Variants in FLACC1 observed in about 807,000 individuals in gnomAD.
The protein encoded by FLACC1 is flagellum associated containing coiled-coil domains 1.
FLACC1 carries 66 observed loss-of-function variants against 62.8 expected under a neutral mutation model. The observed-to-expected ratio is 1.05, with a 90% confidence interval of 0.86 to 1.29. The LOEUF (loss-of-function observed/expected upper bound fraction) is 1.29, where lower values mean the gene tolerates loss of function less well. FLACC1 is among the 50% of genes most tolerant of loss of function. FLACC1 has a pLI of 0.00. For synonymous variants in FLACC1, 156 were observed against 161.0 expected (o/e 0.97, Z 0.24); for missense variants, 452 against 489.1 (o/e 0.92, Z 0.71).
At chr2:201,339,288 ATT>A (rs962609082) in intron 7 of FLACC1, among the ~76,000 whole-genome samples, 1 of 151,650 alleles carries the variant, frequency 6.6e-6, no homozygotes, top group Non-Finnish European at 1.5e-5. Flanking sequence ...TTCTGATTTT[ATT>A]TGGGTCTTCT....
intron 5 of FLACC1, among the ~76,000 whole-genome samples, chr2:201,344,600 CAG>C (rs1301665898): frequency 6.6e-6 from 1 of 152,140 alleles, no homozygotes. Flanking sequence ...ATAGTTGAAA[CAG>C]AGGACGAAGT....
At chr2:201,331,281 C>T (rs1342850710) in intron 7 of FLACC1, among the ~76,000 whole-genome samples, 2 of 152,094 alleles carry the variant, frequency 1.3e-5, no homozygotes, top group Non-Finnish European at 1.5e-5. Context: ...CTGGGGCCTT[C>T]ACTTCCTGAA....
rs144460714 is a variant in FLACC1, at chr2:201,346,735, ATCT to A, written c.235-63_235-61del. On this transcript the variant is annotated intron_variant, in intron 4 of 14. Coordinates refer to ENST00000392257, the MANE Select transcript of FLACC1 (RefSeq NM_001127391.3). The surrounding 1 kb of genome is among the most constrained non-coding windows in gnomAD (Gnocchi z 4.0). The stretch of plus-strand genomic sequence containing the variant: ...ACTTGGAGTGCTGAGATTTTTCCAA[ATCT>A]TCTCTTATTGCCTCACTCACATCTT... 73,339 of 1,602,698 alleles carry A rather than the reference ATCT, an allele frequency of 0.046. 2,021 individuals carry two copies. Among genetic ancestry groups the A allele is most frequent in the Middle Eastern group, 0.064 (388 of 6,040 alleles).
chr2:201,297,869 T>A (rs1344504342), intron 12 of FLACC1, among the ~76,000 whole-genome samples: 1 of 152,082 alleles, frequency 6.6e-6, no homozygotes, highest in Non-Finnish European at 1.5e-5. Flanking sequence ...ATCGGGCACC[T>A]TCTGAGAAGG....
In FLACC1 at chr2:201,330,520, C is replaced by T; in HGVS notation, c.625G>A (p.Glu209Lys). 1.9e-6 allele frequency: 3 copies of T among 1,613,602 alleles called. No individual in the cohort carries two copies. Among genetic ancestry groups the T allele is most frequent in the South Asian group, 2.2e-5 (2 of 91,006 alleles). The change falls in exon 9 of 15, where the codon GAG (glutamate) becomes AAG (lysine). Residue 209 changes from glutamate (E) to lysine (K), a missense_variant and splice_region_variant. By Grantham distance (56) the Glu-to-Lys change is moderately conservative. Around this residue, in one of 3 missense-constraint regions of FLACC1, gnomAD observed 301 missense variants for 318.4 expected, o/e 0.95. Transcript: ENST00000392257. ...EKLAAQEKLEEMGKEYKYLKN... is the reference protein window; with the variant it reads ...EKLAAQEKLEKMGKEYKYLKN... ...AAATACTTGTATTCTTTTCCCATCTCCTCTGGATAAAAGGAAAACAACAGG... is the reference window on the plus strand; with the variant it reads ...AAATACTTGTATTCTTTTCCCATCTTCTCTGGATAAAAGGAAAACAACAGG...
chr2:201,352,777 T>C (rs1452888789), intron 1 of FLACC1, among the ~76,000 whole-genome samples: 1 of 152,240 alleles, frequency 6.6e-6, no homozygotes, highest in Non-Finnish European at 1.5e-5. Context: ...AGTGTGACTA[T>C]GTTACCTTAC....
chr2:201,342,805 G>A (rs1256697733), intron 6 of FLACC1, among the ~76,000 whole-genome samples: 1 of 152,222 alleles, frequency 6.6e-6, no homozygotes, highest in African/African-American at 2.4e-5. Context: ...TGAACAAAAG[G>A]CTTGGCTTGG....
intron 7 of FLACC1, among the ~76,000 whole-genome samples, chr2:201,331,418 G>A (rs1189683996): frequency 1.3e-5 from 2 of 152,046 alleles, no homozygotes; most frequent in African/African-American, 4.8e-5. Flanking sequence ...TAGCTTGCTC[G>A]GGAAACTATG....
intron 3 of FLACC1, among the ~76,000 whole-genome samples, 168 bp from the exon 4 acceptor site, chr2:201,348,470 C>T (rs745740850): frequency 6.6e-6 from 1 of 152,084 alleles, no homozygotes; most frequent in Non-Finnish European, 1.5e-5. Flanking sequence ...CTCCTGAGGG[C>T]CCCAAAGTAG....
Position 201,288,669 on chromosome 2 carries a change from C to T in FLACC1, c.1255G>A (p.Gly419Arg), listed in dbSNP as rs137938931. 203 of 1,613,564 alleles carry T rather than the reference C, an allele frequency of 1.3e-4. 1 individual carries two copies. Among genetic ancestry groups the T allele is most frequent in the Non-Finnish European group, 1.7e-4 (199 of 1,179,796 alleles). The change falls in exon 15 of 15, where the codon GGA becomes AGA. Residue 419 changes from glycine to arginine, a missense_variant. Physicochemically the swap from Gly to Arg is moderately radical, Grantham distance 125 (BLOSUM62 -2). Transcript: ENST00000392257. Reference protein sequence around the residue: ...SDTVQDGSKKGQES With the variant: ...SDTVQDGSKKRQES ...CAACTTTTTGTTTATGATTCTTGTC[C>T]TTTCTTGCTACCATCTTGCACAGTG...
At chr2:201,299,761 G>A (rs557975827) in intron 11 of FLACC1, among the ~76,000 whole-genome samples, 4 of 152,276 alleles carry the variant, frequency 2.6e-5, no homozygotes, top group African/African-American at 4.8e-5. Flanking sequence ...TTTGCTACCC[G>A]ATTTCAAACT....
chr2:201,355,363 C>T (rs757964211), intron 1 of FLACC1, among the ~76,000 whole-genome samples: 43 of 152,030 alleles, frequency 2.8e-4, no homozygotes, highest in Non-Finnish European at 1.2e-4. Flanking sequence ...ATGTTGTAAT[C>T]GTCATTACCA....
In FLACC1 at chr2:201,348,414, T is replaced by C. The variant is rs1950961119; in HGVS notation, c.186-112A>G. On this transcript the variant is annotated intron_variant, in intron 3 of 14. Coordinates refer to ENST00000392257, the MANE Select transcript of FLACC1 (RefSeq NM_001127391.3). ...CTGACTTCTGCTCTCTGACCTGACC[T>C]TCTTAGGGGATCCCTAGGATAGTTG... The C allele has an allele frequency of 2.8e-6, 3 of 1,086,518 alleles. No homozygotes were observed. The South Asian group carries it at 4.7e-5, about 17-fold the overall frequency. The allele number at this position is 1,086,518 out of a possible 1,614,324, so 67.3% of individuals were successfully genotyped here.
In FLACC1 at chr2:201,288,485, G is replaced by T; in HGVS notation, c.*170C>A. 1 of 732,834 alleles carries T rather than the reference G, an allele frequency of 1.4e-6. No individual in the cohort carries two copies. The highest frequency in any genetic ancestry group is 2.8e-5 in the East Asian group (1 of 36,254). 45.4% of individuals were successfully genotyped at this position (732,834 alleles called of 1,614,324 possible). A position where few individuals can be genotyped will look rare whatever the true frequency, so the allele number is the denominator to read the frequency against. ...TTTTTCAGTGAAGAGTCCGTGATAAGCTGTGAAATTCAGATGCGAATTCAA... is the reference window on the plus strand; with the variant it reads ...TTTTTCAGTGAAGAGTCCGTGATAATCTGTGAAATTCAGATGCGAATTCAA... On this transcript the variant is annotated 3_prime_UTR_variant, in exon 15 of 15. Transcript: ENST00000392257.
At chr2:201,293,768 A>C (rs1466261256) in intron 12 of FLACC1, among the ~76,000 whole-genome samples, 32 of 151,814 alleles carry the variant, frequency 2.1e-4, no homozygotes, top group Admixed American at 1.6e-3. Context: ...AATTAATAGA[A>C]TGCTAGCAAG....
At chr2:201,345,918 ACTTTGGGAGGCTGAGGCCAGAG>A (rs1236765409) in intron 5 of FLACC1, among the ~76,000 whole-genome samples, 12 of 152,308 alleles carry the variant, frequency 7.9e-5, no homozygotes, top group African/African-American at 2.6e-4. Context: ...TAATCCCAGC[ACTTTGGGAGGCTGAGGCCAGAG>A]GATTACCTGA....
chr2:201,325,097 G>A (rs1017569902), intron 9 of FLACC1, among the ~76,000 whole-genome samples: 8 of 152,070 alleles, frequency 5.3e-5, no homozygotes, highest in South Asian at 2.1e-4. Context: ...TAGTGCCACC[G>A]CACTCCAGCC....
In FLACC1 at chr2:201,350,727, G is replaced by T; in HGVS notation, c.169C>A (p.Pro57Thr). Residue 57 changes from proline to threonine, a missense_variant, in exon 3 of 15, where the codon CCT becomes ACT. Physicochemically the swap from Pro to Thr is conservative, Grantham distance 38. This residue lies in a region of FLACC1 where 147 missense variants were observed against 152.7 expected (regional missense o/e 0.96). Coordinates refer to ENST00000392257, the MANE Select transcript of FLACC1 (RefSeq NM_001127391.3). ...AATACTTACTTTGGGGAAACAACAG[G>T]TTTTGTTGGTTGGAGGTAATTGTGA... ...KNHNYLQPTKPVVSPKMKIHS... is the reference protein window; with the variant it reads ...KNHNYLQPTKTVVSPKMKIHS... 1.3e-6 allele frequency: 2 copies of T among 1,591,066 alleles called. No homozygotes were observed. The highest frequency in any genetic ancestry group is 2.9e-5 in the African/African-American group (2 of 69,926).
intron 7 of FLACC1, among the ~76,000 whole-genome samples, chr2:201,340,344 G>A (rs1576466418): frequency 6.6e-6 from 1 of 152,148 alleles, no homozygotes; most frequent in African/African-American, 2.4e-5. Context: ...GTGGTTTGAT[G>A]TTTTTTGTAG....
Sources: gnomAD v4.1 joint callset for allele counts (sites outside exome capture counted in the v4.1 genomes callset) on GRCh38, gnomAD v4.1.1 for gene constraint, gnomAD v4.1.1 regional missense constraint, Gnocchi (gnomAD v3.1) non-coding constraint, MANE v1.5 for transcripts, NCBI Gene and HGNC (gene_info 2026-07-23, HGNC 2026-07-21) for gene names.